The following B3GALT9 variants were observed in gnomAD, a reference collection of about 807,000 sequenced individuals.
B3GALT9 encodes the protein beta-1,3-galactosyltransferase 9.
chr9:120,796,129 T>C (rs1431598384), intron 1 of B3GALT9, among the ~76,000 whole-genome samples: 1 of 152,200 alleles, frequency 6.6e-6, no homozygotes, highest in Non-Finnish European at 1.5e-5. Flanking sequence ...AGTACAGTTT[T>C]TGCATGTGTA....
chr9:120,798,816 A>G lies in B3GALT9; in HGVS notation c.248A>G (p.Asn83Ser). 2.5e-6 allele frequency: 1 copy of G among 399,244 alleles called. No individual in the cohort carries two copies. The highest frequency in any genetic ancestry group is 4.4e-6 in the Non-Finnish European group (1 of 226,118). 24.7% of individuals were successfully genotyped at this position (399,244 alleles called of 1,614,324 possible). A position where few individuals can be genotyped will look rare whatever the true frequency, so the allele number is the denominator to read the frequency against. ...CAGTCAGAAATATGTAAAGGGAAGAACATTTTTTTGCTGTCTCTTATCTTC... is the reference window on the plus strand; with the variant it reads ...CAGTCAGAAATATGTAAAGGGAAGAGCATTTTTTTGCTGTCTCTTATCTTC... ...LSQSEICKGK[N>S]IFLLSLIFSS... The change falls in exon 3 of 3, where the codon AAC (asparagine) becomes AGC (serine). Residue 83 changes from asparagine to serine, a missense_variant. By Grantham distance (46) the Asn-to-Ser change is conservative. Coordinates refer to ENST00000689072, the MANE Select transcript of B3GALT9 (RefSeq NM_001386823.1).
At chr9:120,794,675 C>T (rs2131402172) in intron 1 of B3GALT9, among the ~76,000 whole-genome samples, 1 of 152,174 alleles carries the variant, frequency 6.6e-6, no homozygotes, top group African/African-American at 2.4e-5. Context: ...ATGCCCAGCG[C>T]ACAAGTTATC....
At position 120,800,272 on chromosome 9, in the gene B3GALT9, C is replaced by A. The variant is rs560191420; in HGVS notation, c.*594C>A. ...AGCTGGGATTACAGGTGCCTGCCAC[C>A]ACGCCTGGCTAATTTTTGGTATTTT... On this transcript the variant is annotated 3_prime_UTR_variant, in exon 3 of 3. Coordinates refer to ENST00000689072, the MANE Select transcript of B3GALT9 (RefSeq NM_001386823.1). 1.3e-5 allele frequency among the ~76,000 whole-genome samples: 2 copies of A among 152,090 alleles called. No individual in the cohort carries two copies. The highest frequency in any genetic ancestry group is 2.9e-5 in the Non-Finnish European group (2 of 67,998).
rs1013453151 is a variant in B3GALT9, at chr9:120,798,811, G to A, written c.243G>A (p.Gly81=). ...TGAGCCAGTCAGAAATATGTAAAGG[G>A]AAGAACATTTTTTTGCTGTCTCTTA... The part of the protein sequence containing the change: ...YVLSQSEICK[G]KNIFLLSLIF... The change falls in exon 3 of 3, where the codon GGG becomes GGA. Residue 81 remains glycine (G), a synonymous_variant. Transcript: ENST00000689072. 1.0e-5 allele frequency: 4 copies of A among 399,034 alleles called. No homozygotes were observed. The highest frequency in any genetic ancestry group is 1.8e-5 in the Non-Finnish European group (4 of 226,112). 24.7% of individuals were successfully genotyped at this position (399,034 alleles called of 1,614,324 possible). A position where few individuals can be genotyped will look rare whatever the true frequency, so the allele number is the denominator to read the frequency against.
rs2131407055 is a variant in B3GALT9, at chr9:120,800,344, C to T, written c.*666C>T. On this transcript the variant is annotated 3_prime_UTR_variant, in exon 3 of 3. Coordinates refer to ENST00000689072, the MANE Select transcript of B3GALT9 (RefSeq NM_001386823.1). Reference sequence around the variant, plus strand: ...ATGTTGGCCAGGCTGGTCTCGAACTCCTGGCCTCAAGTGATCCACCCGCCT... The same window carrying T: ...ATGTTGGCCAGGCTGGTCTCGAACTTCTGGCCTCAAGTGATCCACCCGCCT... Among the ~76,000 whole-genome samples, 1 of 152,156 alleles carries T rather than the reference C, an allele frequency of 6.6e-6. No individual in the cohort carries two copies. Among genetic ancestry groups the T allele is most frequent in the African/African-American group, 2.4e-5 (1 of 41,510 alleles).
rs557173979 is a variant in B3GALT9 at position 120,798,060 on chromosome 9, T to C, written c.7-515T>C. 9.9e-5 allele frequency among the ~76,000 whole-genome samples: 15 copies of C among 152,072 alleles called. No individual in the cohort carries two copies. The South Asian group carries it at 3.1e-3, about 31-fold the overall frequency. ...ATACTAGAAGAATGTAAATATTTGA[T>C]AGTAGCCAGGGTGTCATGGCTAACA... On this transcript the variant is annotated intron_variant, in intron 2 of 2. Transcript: ENST00000689072.
At chr9:120,796,795 G>A (rs1257791028) in intron 2 of B3GALT9, among the ~76,000 whole-genome samples, 186 bp downstream of exon 2, 4 of 152,068 alleles carry the variant, frequency 2.6e-5, no homozygotes, top group South Asian at 4.1e-4. Context: ...GGTGGCTCAC[G>A]CCTGTCATCT....
intron 1 of B3GALT9, among the ~76,000 whole-genome samples, chr9:120,794,563 G>C (rs2044922460): frequency 6.6e-6 from 1 of 151,200 alleles, no homozygotes; most frequent in African/African-American, 2.4e-5. Flanking sequence ...TGTAGAGTCA[G>C]GGTTTCGCTA....
In B3GALT9 at chr9:120,800,948, A is replaced by G. The variant is rs1002366388; in HGVS notation, c.*1270A>G. ...ATTTGAGTTTTTTTACACTCCACATATAAGTGAGCTCATGTGCTTATTTGT... is the reference window on the plus strand; with the variant it reads ...ATTTGAGTTTTTTTACACTCCACATGTAAGTGAGCTCATGTGCTTATTTGT... On this transcript the variant is annotated 3_prime_UTR_variant, in exon 3 of 3. Transcript: ENST00000689072. Among the ~76,000 whole-genome samples the G allele has an allele frequency of 6.6e-6, 1 of 152,186 alleles. No individual in the cohort carries two copies. The highest frequency in any genetic ancestry group is 1.5e-5 in the Non-Finnish European group (1 of 68,024).
In B3GALT9 at chr9:120,797,125, GAGAGAAAGAA is replaced by G. The variant is rs370228371; in HGVS notation, c.6+530_6+539del. Reference sequence around the variant, plus strand: ...GGAGGGAGGGGGAGACAGAGGGAAAGAGAGAAAGAAAGAGAAAGAAAGAAAAGAAAGAAAG... The same window carrying G: ...GGAGGGAGGGGGAGACAGAGGGAAAGAGAGAAAGAAAGAAAAGAAAGAAAG... On this transcript the variant is annotated intron_variant, in intron 2 of 2. Coordinates refer to ENST00000689072, the MANE Select transcript of B3GALT9 (RefSeq NM_001386823.1). Among the ~76,000 whole-genome samples, 804 of 151,792 alleles carry G rather than the reference GAGAGAAAGAA, an allele frequency of 5.3e-3. 11 individuals are homozygous for G. Among genetic ancestry groups the G allele is most frequent in the African/African-American group, 0.018 (753 of 41,274 alleles).
Position 120,793,833 on chromosome 9 carries a change from CA to C in B3GALT9, c.-267del. ...GGATAGGGTTAGTGAACAAAAAACG[CA>C]AAAGCCCCTGACCGCCTGGGCCTTA... On this transcript the variant is annotated 5_prime_UTR_variant, in exon 1 of 3. Coordinates refer to ENST00000689072, the MANE Select transcript of B3GALT9 (RefSeq NM_001386823.1). The C allele has an allele frequency of 2.5e-6, 1 of 392,588 alleles. No homozygotes were observed. Among genetic ancestry groups the C allele is most frequent in the Non-Finnish European group, 4.5e-6 (1 of 222,886 alleles). 24.3% of individuals were successfully genotyped at this position (392,588 alleles called of 1,614,324 possible).
chr9:120,794,258 A>T (rs953724575), intron 1 of B3GALT9, among the ~76,000 whole-genome samples: 1 of 152,176 alleles, frequency 6.6e-6, no homozygotes, highest in Admixed American at 6.5e-5. Context: ...TGAAATCAAA[A>T]GAGGTTTAGG....
Position 120,793,471 on chromosome 9 carries a change from T to C in B3GALT9, c.-633T>C. The C allele has an allele frequency of 2.5e-6, 1 of 398,618 alleles. No individual in the cohort carries two copies. The highest frequency in any genetic ancestry group is 4.4e-6 in the Non-Finnish European group (1 of 226,474). 24.7% of individuals were successfully genotyped at this position (398,618 alleles called of 1,614,324 possible). A position where few individuals can be genotyped will look rare whatever the true frequency, so the allele number is the denominator to read the frequency against. The stretch of plus-strand genomic sequence containing the variant: ...CGGCTCCCGGCGGAAGCGGCTGCAC[T>C]TCCGGTCCCCGCCCGGAGGTGGGTG... On this transcript the variant is annotated 5_prime_UTR_variant, in exon 1 of 3. Transcript: ENST00000689072.
chr9:120,797,178 TA>T (rs1411736940), intron 2 of B3GALT9, among the ~76,000 whole-genome samples: 1 of 151,252 alleles, frequency 6.6e-6, no homozygotes, highest in Admixed American at 6.6e-5. Context: ...AAGAGATAAG[TA>T]AAGATAGGAA....
In B3GALT9 at chr9:120,801,230, G is replaced by A. The variant is rs921332394; in HGVS notation, c.*1552G>A. Among the ~76,000 whole-genome samples the A allele has an allele frequency of 7.2e-5, 11 of 152,258 alleles. No individual in the cohort carries two copies. The highest frequency in any genetic ancestry group is 2.4e-4 in the African/African-American group (10 of 41,538). The stretch of plus-strand genomic sequence containing the variant: ...ATATCTTTTGGATATATTTCCAGTA[G>A]CGGAATTGCTAGATTGTGTGGCAGT... On this transcript the variant is annotated 3_prime_UTR_variant, in exon 3 of 3. Coordinates refer to ENST00000689072, the MANE Select transcript of B3GALT9 (RefSeq NM_001386823.1).
chr9:120,798,630 TC>T lies in B3GALT9; in HGVS notation c.64del (p.Leu22TyrfsTer23). ...TGGTGTTTCATTCTATTTAATGTCATCCTATTTCATGCCTTGCTTTTTGGGA... is the reference window on the plus strand; with the variant it reads ...TGGTGTTTCATTCTATTTAATGTCATCTATTTCATGCCTTGCTTTTTGGGA... ...HQWCFILFNV[I>X]LFHALLFGTD... On this transcript the variant is annotated frameshift_variant, in exon 3 of 3. Coordinates refer to ENST00000689072, the MANE Select transcript of B3GALT9 (RefSeq NM_001386823.1). LOFTEE classifies it high-confidence loss of function. The T allele has an allele frequency of 2.5e-6, 1 of 399,676 alleles. No individual in the cohort carries two copies. The highest frequency in any genetic ancestry group is 4.4e-6 in the Non-Finnish European group (1 of 226,212). The allele number at this position is 399,676 out of a possible 1,614,324, so 24.8% of individuals were successfully genotyped here.
intron 1 of B3GALT9, among the ~76,000 whole-genome samples, chr9:120,794,480 A>G (rs2131401521): frequency 6.6e-6 from 1 of 151,158 alleles, no homozygotes; most frequent in African/African-American, 2.4e-5. Flanking sequence ...AAGGGACCAC[A>G]GGCGCGTGTC....
intron 2 of B3GALT9, 64 bp from the exon 3 acceptor site, chr9:120,798,511 C>A (rs2044952593): frequency 2.5e-6 from 1 of 399,088 alleles, no homozygotes; most frequent in South Asian, 1.3e-4. Context: ...GTATAGGGTT[C>A]AATGAGGGCA....
intron 2 of B3GALT9, among the ~76,000 whole-genome samples, chr9:120,797,156 GAA>G (rs933335119): frequency 2.5e-4 from 37 of 149,254 alleles, no homozygotes; most frequent in South Asian, 6.2e-4. Context: ...AGAAAAGAAA[GAA>G]AGAGAAAGAA....
Sources: allele counts gnomAD v4.1 joint callset (sites outside exome capture counted in the v4.1 genomes callset), GRCh38; gene constraint gnomAD v4.1.1; transcripts MANE v1.5; gene names NCBI Gene and HGNC (gene_info 2026-07-23, HGNC 2026-07-21).